The following LGR6 variants were observed in gnomAD, a reference collection of about 807,000 sequenced individuals.
LGR6 encodes the protein leucine rich repeat containing G protein-coupled receptor 6.
LGR6 carries 45 observed loss-of-function variants against 69.4 expected under a neutral mutation model. That is an observed-to-expected ratio of 0.65 (90% CI 0.51 to 0.83). The LOEUF is 0.83. Among genes scored for constraint, LGR6 ranks in the 40% least tolerant of loss-of-function variants. LGR6 has a pLI of 0.00. For synonymous variants in LGR6, 538 were observed against 555.0 expected (o/e 0.97, Z 0.43); for missense variants, 1,108 against 1,246.7 (o/e 0.89, Z 1.68).
At position 202,310,184 on chromosome 1, in the gene LGR6, T is replaced by A. The variant is rs1241793850; in HGVS notation, c.1407-13T>A. On this transcript the variant is annotated splice_polypyrimidine_tract_variant and intron_variant, in intron 15 of 17. Coordinates refer to ENST00000367278, the MANE Select transcript of LGR6 (RefSeq NM_001017403.2). ...TGCTGAGGCAGCCAATCAGCCTGCC[T>A]CTCCCCCACCAGGATCCTGGAGGTG... 5.0e-6 allele frequency: 8 copies of A among 1,612,676 alleles called. No individual in the cohort carries two copies. Among genetic ancestry groups the A allele is most frequent in the Admixed American group, 3.3e-5 (2 of 59,804 alleles).
chr1:202,263,424 A>G (rs1664396615), intron 4 of LGR6, among the ~76,000 whole-genome samples: 2 of 152,182 alleles, frequency 1.3e-5, no homozygotes, highest in Admixed American at 1.3e-4. Flanking sequence ...GCGCCCGGCC[A>G]GCATACATCT....
intron 4 of LGR6, among the ~76,000 whole-genome samples, chr1:202,239,084 G>A (rs375622916): frequency 6.6e-6 from 1 of 152,082 alleles, no homozygotes. Context: ...ACTGCTACGC[G>A]GTACCCGGAT....
Position 202,247,840 on chromosome 1 carries a change from G to A in LGR6, c.428+11847G>A, listed in dbSNP as rs1043691537. ...AGAGAATCCCAGAGAGGTAAGAGAAGGCTCAGGCTGCAGCCAGGAAGAGTG... is the reference window on the plus strand; with the variant it reads ...AGAGAATCCCAGAGAGGTAAGAGAAAGCTCAGGCTGCAGCCAGGAAGAGTG... On this transcript the variant is annotated intron_variant, in intron 4 of 17. Transcript: ENST00000367278. Among the ~76,000 whole-genome samples, 7 of 152,170 alleles carry A rather than the reference G, an allele frequency of 4.6e-5. No individual in the cohort carries two copies. In the South Asian group the frequency reaches 1.4e-3, roughly 31 times the overall value.
At chr1:202,265,624 A>G (rs1664585782) in intron 4 of LGR6, among the ~76,000 whole-genome samples, 1 of 152,162 alleles carries the variant, frequency 6.6e-6, no homozygotes, top group African/African-American at 2.4e-5. Flanking sequence ...CTCAAAACCA[A>G]TGCCTTCTCT....
intron 1 of LGR6, among the ~76,000 whole-genome samples, chr1:202,206,592 C>T (rs1005950440): frequency 9.2e-5 from 14 of 152,110 alleles, no homozygotes; most frequent in Non-Finnish European, 1.5e-4. Context: ...CACTGTCACC[C>T]CGGCTGGAGT....
At chr1:202,216,053 G>C (rs559009326) in intron 1 of LGR6, among the ~76,000 whole-genome samples, 112 of 152,334 alleles carry the variant, frequency 7.4e-4, no homozygotes, top group Non-Finnish European at 1.2e-3. Context: ...AGGACAGGGA[G>C]CATCTGTGAT....
rs3221675 is a variant in LGR6, at chr1:202,214,990, GGTGTGT to G, written c.213-10407_213-10402del. ...GGTAAATGGTGTTTGGGTGCACCTG[GGTGTGT>G]GTGTGTGTGTGTGTGTGTGTGTGTG... is the stretch of plus-strand genomic sequence containing the variant. On this transcript the variant is annotated intron_variant, in intron 1 of 17. Coordinates refer to ENST00000367278, the MANE Select transcript of LGR6 (RefSeq NM_001017403.2). 6.2e-3 allele frequency among the ~76,000 whole-genome samples: 901 copies of G among 145,598 alleles called. 6 individuals are homozygous for G. Among genetic ancestry groups the G allele is most frequent in the South Asian group, 0.021 (93 of 4,522 alleles).
At chr1:202,202,110 C>T (rs1658859773) in intron 1 of LGR6, among the ~76,000 whole-genome samples, 1 of 152,016 alleles carries the variant, frequency 6.6e-6, no homozygotes, top group Non-Finnish European at 1.5e-5. Flanking sequence ...GGCTTGAGTC[C>T]TGAAGACCAG....
chr1:202,309,643 G>T (rs1348728991), intron 15 of LGR6, among the ~76,000 whole-genome samples: 1 of 152,274 alleles, frequency 6.6e-6, no homozygotes, highest in Non-Finnish European at 1.5e-5. Flanking sequence ...GGTGCAGCCT[G>T]CATGGCCCAA....
At chr1:202,212,597 T>C (rs946587986) in intron 1 of LGR6, among the ~76,000 whole-genome samples, 1 of 152,190 alleles carries the variant, frequency 6.6e-6, no homozygotes, top group Non-Finnish European at 1.5e-5. Context: ...AATCTCTGCC[T>C]CTGTCTTCAC....
chr1:202,279,569 T>C (rs1665848957), intron 5 of LGR6, among the ~76,000 whole-genome samples: 1 of 152,234 alleles, frequency 6.6e-6, no homozygotes, highest in South Asian at 2.1e-4. Flanking sequence ...CCTGGAACAA[T>C]GTATGCTTTT....
intron 1 of LGR6, chr1:202,214,176 C>A (rs1170457291): frequency 1.3e-6 from 2 of 1,528,072 alleles, no homozygotes; most frequent in Middle Eastern, 1.7e-4. Context: ...GGGAGAGGGC[C>A]GCTCAGCGAG....
intron 4 of LGR6, among the ~76,000 whole-genome samples, chr1:202,263,414 G>A (rs571500550): frequency 4.3e-4 from 65 of 152,238 alleles, no homozygotes; most frequent in Non-Finnish European, 7.6e-4. Flanking sequence ...ATGAGCCACC[G>A]CGCCCGGCCA....
intron 6 of LGR6, among the ~76,000 whole-genome samples, chr1:202,294,302 G>A (rs967977340): frequency 3.9e-5 from 6 of 152,212 alleles, no homozygotes; most frequent in African/African-American, 1.2e-4. Context: ...TATATGTCAG[G>A]TGACTAAGTT....
At chr1:202,260,199 C>A (rs1014778484) in intron 4 of LGR6, among the ~76,000 whole-genome samples, 3 of 151,966 alleles carry the variant, frequency 2.0e-5, no homozygotes, top group Non-Finnish European at 4.4e-5. Context: ...TCACCACGCC[C>A]AGTTAATTTT....
At chr1:202,304,438 AT>A in intron 10 of LGR6, 120 bp from the exon 11 acceptor site, 1 of 557,282 alleles carries the variant, frequency 1.8e-6, no homozygotes, top group South Asian at 3.5e-5. Context: ...CTCTCCCTCC[AT>A]TTCTCTCTTT....
intron 16 of LGR6, among the ~76,000 whole-genome samples, chr1:202,313,419 C>T (rs929866619): frequency 5.3e-5 from 8 of 152,114 alleles, no homozygotes; most frequent in African/African-American, 1.9e-4. Flanking sequence ...CCCTGACCCC[C>T]CAAAGTAATC....
At chr1:202,312,774 A>G (rs788640) in intron 16 of LGR6, among the ~76,000 whole-genome samples, 68,290 of 152,056 alleles carry the variant, frequency 0.45, 16,645 homozygotes, top group East Asian at 0.71. Flanking sequence ...CCTTTCAGTG[A>G]TGGATTATCA....
Position 202,318,246 on chromosome 1 carries a change from T to G in LGR6, c.1943T>G (p.Leu648Arg). ...TGLGCRATGF[L>R]AVLGSEASVL... is the part of the protein sequence containing the mutation. ...CTAGGCTGCCGGGCCACTGGCTTCC[T>G]GGCAGTACTTGGGTCGGAGGCATCG... The change falls in exon 18 of 18, where the codon CTG becomes CGG. Residue 648 changes from leucine to arginine, a missense_variant. Transcript: ENST00000367278. 1 of 1,611,440 alleles carries G rather than the reference T, an allele frequency of 6.2e-7. No homozygotes were observed. Among genetic ancestry groups the G allele is most frequent in the East Asian group, 2.2e-5 (1 of 44,830 alleles).
Sources: gnomAD v4.1 joint callset for allele counts (sites outside exome capture counted in the v4.1 genomes callset) on GRCh38, gnomAD v4.1.1 for gene constraint, MANE v1.5 for transcripts, NCBI Gene and HGNC (gene_info 2026-07-23, HGNC 2026-07-21) for gene names.